GRIK1: variants seen among roughly 807,000 people sequenced by gnomAD.
GRIK1 encodes the protein glutamate ionotropic receptor kainate type subunit 1, also known as glutamate receptor ionotropic, kainate 1.
A neutral mutation model predicts 105.7 loss-of-function variants in GRIK1; 69 were observed. The observed-to-expected ratio is 0.65, with a 90% CI of 0.54 to 0.80. GRIK1 has a LOEUF of 0.80. GRIK1 is among the 30% of genes least tolerant of loss of function. GRIK1 has a pLI of 0.00. For missense variants in GRIK1, 1,109 were observed against 1,167.3 expected (o/e 0.95, Z 0.73); for synonymous variants, 438 against 431.3 (o/e 1.02, Z -0.19).
chr21:29,789,853 T>C (rs1292248524), intron 1 of GRIK1, among the ~76,000 whole-genome samples: 1 of 152,174 alleles, frequency 6.6e-6, no homozygotes, highest in Admixed American at 6.5e-5. Context: ...CCAGTGTTTA[T>C]TTCCGTGTTG....
intron 1 of GRIK1, among the ~76,000 whole-genome samples, chr21:29,782,298 G>A (rs961471672): frequency 1.3e-5 from 2 of 151,978 alleles, no homozygotes; most frequent in African/African-American, 2.4e-5. Flanking sequence ...GTGTTAGCCA[G>A]GATGGTCTCG....
intron 3 of GRIK1, among the ~76,000 whole-genome samples, chr21:29,680,415 A>G (rs1173016105): frequency 6.6e-6 from 1 of 152,172 alleles, no homozygotes; most frequent in Non-Finnish European, 1.5e-5. Context: ...CTTCTACTGT[A>G]TTGCCTCCAT....
intron 1 of GRIK1, among the ~76,000 whole-genome samples, chr21:29,780,255 C>G (rs766317455): frequency 5.3e-5 from 8 of 152,084 alleles, no homozygotes; most frequent in Non-Finnish European, 1.2e-4. Context: ...ACCACGTTCC[C>G]CTTTTCAGCC....
At chr21:29,881,691 C>T (rs1392548717) in intron 1 of GRIK1, among the ~76,000 whole-genome samples, 1 of 152,020 alleles carries the variant, frequency 6.6e-6, no homozygotes, top group Non-Finnish European at 1.5e-5. Context: ...TCTTCAATTC[C>T]CTGTCCCTTT....
chr21:29,808,116 G>A (rs1212552614), intron 1 of GRIK1, among the ~76,000 whole-genome samples: 3 of 152,152 alleles, frequency 2.0e-5, no homozygotes, highest in Non-Finnish European at 4.4e-5. Flanking sequence ...GAAGAGCCCA[G>A]ATTACCATTT....
chr21:29,560,508 C>CT (rs759432645), intron 15 of GRIK1, among the ~76,000 whole-genome samples: 3,789 of 24,154 alleles, frequency 0.16, 687 homozygotes, highest in African/African-American at 0.2. Context: ...TCCTTCCTTC[C>CT]TTCCTTCCTT....
chr21:29,676,422 CA>C (rs2063268141), intron 3 of GRIK1, among the ~76,000 whole-genome samples: 1 of 152,188 alleles, frequency 6.6e-6, no homozygotes, highest in Admixed American at 6.5e-5. Flanking sequence ...GCACAGTAGA[CA>C]AAATTTAGAG....
intron 9 of GRIK1, among the ~76,000 whole-genome samples, chr21:29,595,189 G>C (rs972812240): frequency 6.6e-6 from 1 of 152,042 alleles, no homozygotes; most frequent in Admixed American, 6.6e-5. Flanking sequence ...TACAACCCTC[G>C]GGAGTGTGTG....
At chr21:29,814,655 A>G (rs993071388) in intron 1 of GRIK1, among the ~76,000 whole-genome samples, 3 of 152,136 alleles carry the variant, frequency 2.0e-5, no homozygotes, top group African/African-American at 7.2e-5. Context: ...TGTTATGGTG[A>G]CAGGATGGGA....
intron 1 of GRIK1, among the ~76,000 whole-genome samples, chr21:29,784,761 G>A (rs554957779): frequency 1.5e-4 from 23 of 152,012 alleles, no homozygotes; most frequent in South Asian, 2.1e-4. Flanking sequence ...TTGAAAATTC[G>A]TGAGTTTCAA....
chr21:29,636,044 A>T (rs2062392080), intron 7 of GRIK1, among the ~76,000 whole-genome samples: 1 of 152,200 alleles, frequency 6.6e-6, no homozygotes, highest in Non-Finnish European at 1.5e-5. Flanking sequence ...AGCACAGAGC[A>T]GCCCAGCCCA....
At chr21:29,645,669 T>C (rs148099956) in intron 6 of GRIK1, among the ~76,000 whole-genome samples, 1 of 152,272 alleles carries the variant, frequency 6.6e-6, no homozygotes, top group East Asian at 1.9e-4. Flanking sequence ...AAACTACCAC[T>C]GATTTTCCTC....
At chr21:29,725,618 C>A (rs925467229) in intron 1 of GRIK1, among the ~76,000 whole-genome samples, 3 of 152,146 alleles carry the variant, frequency 2.0e-5, no homozygotes, top group Non-Finnish European at 2.9e-5. Context: ...CCTATTAGAA[C>A]CATAGCTTCA....
At chr21:29,882,573 G>C (rs753795948) in intron 1 of GRIK1, among the ~76,000 whole-genome samples, 9 of 152,208 alleles carry the variant, frequency 5.9e-5, no homozygotes, top group African/African-American at 9.6e-5. Flanking sequence ...AGCAGCTCAT[G>C]ATGGGGAAGA....
chr21:29,541,416 G>A (rs560861311), intron 16 of GRIK1, among the ~76,000 whole-genome samples: 1 of 152,092 alleles, frequency 6.6e-6, no homozygotes, highest in African/African-American at 2.4e-5. Context: ...TGAGACAATA[G>A]TAGAATCATT....
intron 4 of GRIK1, among the ~76,000 whole-genome samples, chr21:29,663,826 G>A (rs2063011179): frequency 6.6e-6 from 1 of 152,150 alleles, no homozygotes; most frequent in African/African-American, 2.4e-5. Context: ...TATAAAATCA[G>A]ATGTTTTACT....
intron 1 of GRIK1, among the ~76,000 whole-genome samples, chr21:29,868,768 A>G (rs1309506518): frequency 2.0e-5 from 3 of 151,908 alleles, no homozygotes; most frequent in African/African-American, 7.2e-5. Flanking sequence ...TTTTGCTATC[A>G]TTGTCAGGAA....
At chr21:29,596,194 A>C (rs936165749) in intron 9 of GRIK1, 5 of 404,740 alleles carry the variant, frequency 1.2e-5, no homozygotes, top group Non-Finnish European at 1.9e-5. Flanking sequence ...TGATTTGAGA[A>C]GGAATATAAA....
In GRIK1 at chr21:29,848,779, A is replaced by ATATATATATATATTTT; in HGVS notation, c.118+90603_118+90604insAAAATATATATATATA. ...TGTATATATATATATATATATATAT[A>ATATATATATATATTTT]TTTTTTTTTTTTTCCACGATCTTCA... On this transcript the variant is annotated intron_variant, in intron 1 of 17. Transcript: ENST00000327783. Among the ~76,000 whole-genome samples, 10 of 77,864 alleles carry ATATATATATATATTTT rather than the reference A, an allele frequency of 1.3e-4. No individual in the cohort carries two copies. In the East Asian group the frequency reaches 1.9e-3, roughly 15 times the overall value. The allele number at this position is 77,864 out of a possible 152,430, so 51.1% of individuals were successfully genotyped here. A position where few individuals can be genotyped will look rare whatever the true frequency, so the allele number is the denominator to read the frequency against.
Sources: gnomAD v4.1 joint callset for allele counts (sites outside exome capture counted in the v4.1 genomes callset) on GRCh38, gnomAD v4.1.1 for gene constraint, MANE v1.5 for transcripts, NCBI Gene and HGNC (gene_info 2026-07-23, HGNC 2026-07-21) for gene names.